Variants in SRP68 observed in about 807,000 individuals in gnomAD.
SRP68 encodes signal recognition particle 68.
A neutral mutation model predicts 82.2 loss-of-function variants in SRP68; 15 were observed. The ratio of observed to expected loss-of-function variants is 0.18; its 90% CI spans 0.12 to 0.28. SRP68 has a LOEUF of 0.28. SRP68 is among the 10% of genes least tolerant of loss of function. The probability of loss-of-function intolerance (pLI) is 1.00; values close to 1 mark genes in which losing one functional copy is unlikely to be tolerated. For missense variants in SRP68, 595 were observed against 780.5 expected (o/e 0.76, Z 2.83); for synonymous variants, 261 against 292.6 (o/e 0.89, Z 1.10).
chr17:76,047,953 G>C lies in SRP68; in HGVS notation c.1095C>G (p.Ile365Met). ...ACACCTTCCCTGGCTCTCCTTCAAG[G>C]ATATAATCTCTCTGTTTCTGCAGAA... ...LKPDQKQRDYILEGEPGKVSN... is the reference protein window; with the variant it reads ...LKPDQKQRDYMLEGEPGKVSN... The change falls in exon 10 of 16, where the codon ATC becomes ATG. Residue 365 changes from isoleucine to methionine, a missense_variant. By Grantham distance (10) the Ile-to-Met change is conservative. Around this residue, in one of 2 missense-constraint regions of SRP68, gnomAD observed 495 missense variants for 688.6 expected, o/e 0.72. Transcript: ENST00000307877. 4 of 1,576,550 alleles carry C rather than the reference G, an allele frequency of 2.5e-6. No homozygotes were observed. Among genetic ancestry groups the C allele is most frequent in the Non-Finnish European group, 3.5e-6 (4 of 1,158,148 alleles).
At chr17:76,070,316 A>G in intron 2 of SRP68, 62 bp downstream of exon 2, 1 of 1,317,862 alleles carries the variant, frequency 7.6e-7, no homozygotes, top group Non-Finnish European at 1.1e-6. Flanking sequence ...AGTAAACAGG[A>G]TATTAACAAA....
Position 76,071,574 on chromosome 17 carries a change from G to A in SRP68, c.184+734C>T, listed in dbSNP as rs2066853268. On this transcript the variant is annotated intron_variant, in intron 1 of 15. Coordinates refer to ENST00000307877, the MANE Select transcript of SRP68 (RefSeq NM_014230.4). This position sits in a 1 kb window ranked among gnomAD's most constrained non-coding sequence, Gnocchi z 4.7. ...AGTAATTCAAAATATTTAACTCCAAGCGCCTGAGAACTTTAAGCACATTAA... is the reference window on the plus strand; with the variant it reads ...AGTAATTCAAAATATTTAACTCCAAACGCCTGAGAACTTTAAGCACATTAA... 6.6e-6 allele frequency among the ~76,000 whole-genome samples: 1 copy of A among 152,136 alleles called. No homozygotes were observed. Among genetic ancestry groups the A allele is most frequent in the South Asian group, 2.1e-4 (1 of 4,824 alleles).
At chr17:76,047,305 C>G (rs150761260) in intron 10 of SRP68, among the ~76,000 whole-genome samples, 2 of 152,236 alleles carry the variant, frequency 1.3e-5, no homozygotes, top group East Asian at 3.9e-4. Flanking sequence ...TGGGCTCAAG[C>G]AATCCATTTG....
chr17:76,039,399 G>A lies in SRP68; in HGVS notation c.*307C>T. The A allele has an allele frequency of 1.8e-6, 1 of 557,414 alleles. No individual in the cohort carries two copies. Among genetic ancestry groups the A allele is most frequent in the South Asian group, 1.5e-5 (1 of 65,420 alleles). The allele number at this position is 557,414 out of a possible 1,614,324, so 34.5% of individuals were successfully genotyped here. A position where few individuals can be genotyped will look rare whatever the true frequency, so the allele number is the denominator to read the frequency against. ...CCATCTGTGCCTGGTGTGGACTCCTGAACGCATTACTGACCAAAGGCAATC... is the reference window on the plus strand; with the variant it reads ...CCATCTGTGCCTGGTGTGGACTCCTAAACGCATTACTGACCAAAGGCAATC... On this transcript the variant is annotated 3_prime_UTR_variant, in exon 16 of 16. Transcript: ENST00000307877.
intron 10 of SRP68, 31 bp downstream of exon 10, chr17:76,047,875 T>G: frequency 8.0e-7 from 1 of 1,256,776 alleles, no homozygotes; most frequent in Non-Finnish European, 1.1e-6. Context: ...TTAATAATAT[T>G]AAAAAGTAAA....
At chr17:76,060,722 C>A in intron 6 of SRP68, 1 of 342,000 alleles carries the variant, frequency 2.9e-6, no homozygotes, top group Non-Finnish European at 5.3e-6. Flanking sequence ...GTAACAAATG[C>A]ACCCCTCTGG....
At chr17:76,058,433 T>G (rs984655661) in intron 7 of SRP68, among the ~76,000 whole-genome samples, 17 of 152,072 alleles carry the variant, frequency 1.1e-4, no homozygotes, top group Non-Finnish European at 2.4e-4. Context: ...TGAAAAAAAT[T>G]TTTTTTGTAG....
chr17:76,071,972 T>G lies in SRP68; in HGVS notation c.184+336A>C. On this transcript the variant is annotated intron_variant, in intron 1 of 15. Coordinates refer to ENST00000307877, the MANE Select transcript of SRP68 (RefSeq NM_014230.4). This position sits in a 1 kb window ranked among gnomAD's most constrained non-coding sequence, Gnocchi z 4.7. ...CAAGACTGCAGTTTCCTCTCCCCAGTTCAGTGGCTCAAGGTGCCAAAGCAA... is the reference window on the plus strand; with the variant it reads ...CAAGACTGCAGTTTCCTCTCCCCAGGTCAGTGGCTCAAGGTGCCAAAGCAA... 1 of 430,070 alleles carries G rather than the reference T, an allele frequency of 2.3e-6. No homozygotes were observed. The highest frequency in any genetic ancestry group is 2.5e-5 in the South Asian group (1 of 39,252). 26.6% of individuals were successfully genotyped at this position (430,070 alleles called of 1,614,324 possible). A position where few individuals can be genotyped will look rare whatever the true frequency, so the allele number is the denominator to read the frequency against.
chr17:76,057,242 A>G (rs2066719319), intron 8 of SRP68, among the ~76,000 whole-genome samples, 161 bp downstream of exon 8: 1 of 152,168 alleles, frequency 6.6e-6, no homozygotes, highest in South Asian at 2.1e-4. Context: ...TTTTCAAAAT[A>G]ATTTTATTCA....
chr17:76,047,936 C>A lies in SRP68; in HGVS notation c.1112G>T (p.Gly371Val). Residue 371 changes from glycine (G) to valine (V), a missense_variant, in exon 10 of 16, where the codon GGG becomes GTG. Gly to Val is a moderately radical substitution (Grantham distance 109). This residue lies in a region of SRP68 where 495 missense variants were observed against 688.6 expected (regional missense o/e 0.72). Coordinates refer to ENST00000307877, the MANE Select transcript of SRP68 (RefSeq NM_014230.4). ...QRDYILEGEPGKVSNLQYLHS... is the reference protein window; with the variant it reads ...QRDYILEGEPVKVSNLQYLHS... ...CAAGTATTGAAGATTAGACACCTTC[C>A]CTGGCTCTCCTTCAAGGATATAATC... 6.3e-7 allele frequency: 1 copy of A among 1,575,938 alleles called. No homozygotes were observed. Among genetic ancestry groups the A allele is most frequent in the Non-Finnish European group, 8.6e-7 (1 of 1,158,442 alleles).
intron 7 of SRP68, 101 bp from the exon 8 acceptor site, chr17:76,057,644 T>C: frequency 7.8e-7 from 1 of 1,283,406 alleles, no homozygotes; most frequent in Non-Finnish European, 1.1e-6. Context: ...ATAACCAACA[T>C]ATTATACTCC....
Position 76,050,421 on chromosome 17 carries a change from G to T in SRP68, c.1077+7C>A, listed in dbSNP as rs1211067744. On this transcript the variant is annotated splice_region_variant and intron_variant, in intron 9 of 15. Transcript: ENST00000307877. ...AGCAAGAACCAGGGCTCGGCTGAGG[G>T]TCCTACCTGATCTGGCTTGAGCTCC... The T allele has an allele frequency of 6.2e-7, 1 of 1,608,906 alleles. No individual in the cohort carries two copies. Among genetic ancestry groups the T allele is most frequent in the Admixed American group, 1.7e-5 (1 of 59,996 alleles).
chr17:76,047,951 A>C lies in SRP68; in HGVS notation c.1097T>G (p.Leu366Arg). Residue 366 changes from leucine (L) to arginine (R), a missense_variant, in exon 10 of 16, where the codon CTT (leucine) becomes CGT (arginine). By Grantham distance (102) the Leu-to-Arg change is moderately radical (BLOSUM62 -2). Transcript: ENST00000307877. Reference protein sequence around the residue: ...KPDQKQRDYILEGEPGKVSNL... With the variant: ...KPDQKQRDYIREGEPGKVSNL... ...AGACACCTTCCCTGGCTCTCCTTCA[A>C]GGATATAATCTCTCTGTTTCTGCAG... The C allele has an allele frequency of 6.3e-7, 1 of 1,579,256 alleles. No homozygotes were observed.
chr17:76,065,689 C>T (rs758098107), intron 3 of SRP68, among the ~76,000 whole-genome samples: 5 of 152,164 alleles, frequency 3.3e-5, no homozygotes, highest in Non-Finnish European at 7.3e-5. Flanking sequence ...TCTTCACTCT[C>T]ACAAATCCTT....
Position 76,039,613 on chromosome 17 carries a change from C to T in SRP68, c.*93G>A. 4.7e-6 allele frequency: 6 copies of T among 1,282,264 alleles called. No individual in the cohort carries two copies. In the East Asian group the frequency reaches 7.5e-5, roughly 16 times the overall value. 79.4% of individuals were successfully genotyped at this position (1,282,264 alleles called of 1,614,324 possible). A position where few individuals can be genotyped will look rare whatever the true frequency, so the allele number is the denominator to read the frequency against. ...GTTAAACTCTTGCCCCGGGCCAATG[C>T]AGACCTGGATTTAATATCATGGAAC... On this transcript the variant is annotated 3_prime_UTR_variant, in exon 16 of 16. Coordinates refer to ENST00000307877, the MANE Select transcript of SRP68 (RefSeq NM_014230.4).
rs1003094142 is a variant in SRP68, at chr17:76,061,056, T to C, written c.754+54A>G. The C allele has an allele frequency of 4.7e-6, 5 of 1,074,800 alleles. No individual in the cohort carries two copies. In the East Asian group the frequency reaches 7.1e-5, roughly 15 times the overall value. 66.6% of individuals were successfully genotyped at this position (1,074,800 alleles called of 1,614,324 possible). On this transcript the variant is annotated intron_variant, in intron 6 of 15. Transcript: ENST00000307877. ...TAGGCTCTCTGAAGTGAGCTCCCAA[T>C]AGGCCATCTATCAATGTTCAAGTTG... is the stretch of plus-strand genomic sequence containing the variant.
chr17:76,062,373 A>G lies in SRP68; in HGVS notation c.562-799T>C, dbSNP rs1299222964. On this transcript the variant is annotated intron_variant, in intron 4 of 15. Coordinates refer to ENST00000307877, the MANE Select transcript of SRP68 (RefSeq NM_014230.4). ...CAGGAGGCCATGGCAGGAGGACTGC[A>G]TGAGCCCAGGAGTTCATGACTGCAG... is the stretch of plus-strand genomic sequence containing the variant. Among the ~76,000 whole-genome samples the G allele has an allele frequency of 2.7e-5, 4 of 147,156 alleles. No individual in the cohort carries two copies. In the East Asian group the frequency reaches 5.9e-4, roughly 22 times the overall value.
At chr17:76,061,992 A>T (rs1598267326) in intron 4 of SRP68, among the ~76,000 whole-genome samples, 1 of 150,668 alleles carries the variant, frequency 6.6e-6, no homozygotes. Context: ...TTAAAAAAAA[A>T]TTACCCGGGT....
Position 76,039,086 on chromosome 17 carries a change from A to G in SRP68, c.*620T>C. On this transcript the variant is annotated 3_prime_UTR_variant, in exon 16 of 16. Transcript: ENST00000307877. Reference sequence around the variant, plus strand: ...GGGGACTGGACATGAGGGAGGGCATATAAGAAATGGGCACAGTCTCCGTCA... The same window carrying G: ...GGGGACTGGACATGAGGGAGGGCATGTAAGAAATGGGCACAGTCTCCGTCA... The G allele has an allele frequency of 3.2e-6, 1 of 309,874 alleles. No individual in the cohort carries two copies. The highest frequency in any genetic ancestry group is 6.5e-6 in the Non-Finnish European group (1 of 154,376). The allele number at this position is 309,874 out of a possible 1,614,324, so 19.2% of individuals were successfully genotyped here.
Sources: allele counts gnomAD v4.1 joint callset (sites outside exome capture counted in the v4.1 genomes callset), GRCh38; gene constraint gnomAD v4.1.1; regional missense constraint gnomAD v4.1.1; non-coding constraint Gnocchi (gnomAD v3.1); transcripts MANE v1.5; gene names NCBI Gene and HGNC (gene_info 2026-07-23, HGNC 2026-07-21).